TUBE1: variants seen among roughly 807,000 people sequenced by gnomAD.
TUBE1 encodes tubulin epsilon 1.
A neutral mutation model predicts 53.5 loss-of-function variants in TUBE1; 34 were observed. The ratio of observed to expected loss-of-function variants is 0.64; its 90% CI spans 0.48 to 0.85. The LOEUF is 0.85. Ranked by LOEUF, TUBE1 falls within the 40% of genes least tolerant of loss-of-function variation. TUBE1 has a pLI of 0.00. For missense variants in TUBE1, 532 were observed against 570.5 expected, an observed-to-expected ratio of 0.93 and a Z score of 0.69; for synonymous variants, 177 against 198.4, an observed-to-expected ratio of 0.89 and a Z score of 0.91.
Position 112,073,364 on chromosome 6 carries a change from A to T in TUBE1, c.954-466T>A, listed in dbSNP as rs76852128. Among the ~76,000 whole-genome samples, 459 of 152,340 alleles carry T rather than the reference A, an allele frequency of 3.0e-3. 1 individual carries two copies. Among genetic ancestry groups the T allele is most frequent in the Non-Finnish European group, 3.5e-3 (237 of 68,028 alleles). ...GTTAACAGGAGGAAATTATCAAAGG[A>T]CAATGTGAAGCTCTCCTATAAAAGA... On this transcript the variant is annotated intron_variant, in intron 9 of 11. Coordinates refer to ENST00000368662, the MANE Select transcript of TUBE1 (RefSeq NM_016262.5).
chr6:112,077,801 AT>A (rs1776996933), intron 6 of TUBE1: 1 of 151,998 alleles, frequency 6.6e-6, no homozygotes, highest in Admixed American at 6.5e-5. Context: ...AAACTTCTAT[AT>A]ATACTTAAAA....
intron 3 of TUBE1, chr6:112,085,801 G>A (rs1490103534): frequency 1.3e-5 from 6 of 455,116 alleles, no homozygotes; most frequent in South Asian, 9.6e-5. Context: ...TGGTTAACCT[G>A]GCTGTACTGG....
At position 112,071,086 on chromosome 6, in the gene TUBE1, C is replaced by T. The variant is rs1410823686; in HGVS notation, c.*326G>A. The T allele has an allele frequency of 6.4e-6, 1 of 156,604 alleles. No individual in the cohort carries two copies. Among genetic ancestry groups the T allele is most frequent in the Non-Finnish European group, 1.4e-5 (1 of 71,354 alleles). The allele number at this position is 156,604 out of a possible 1,614,324, so 9.7% of individuals were successfully genotyped here. On this transcript the variant is annotated 3_prime_UTR_variant, in exon 12 of 12. Transcript: ENST00000368662. ...AAATAATTATAAAAATATATCTGTA[C>T]AAGATTTTTATTGAAGACACATCAG...
intron 4 of TUBE1, among the ~76,000 whole-genome samples, 164 bp from the exon 5 acceptor site, chr6:112,081,371 ACT>A (rs113935832): frequency 2.0e-3 from 299 of 151,970 alleles, no homozygotes; most frequent in African/African-American, 6.7e-3. Flanking sequence ...AAAGAATTTC[ACT>A]CTGTTTGAAA....
At chr6:112,082,523 G>A (rs1777086647) in intron 4 of TUBE1, among the ~76,000 whole-genome samples, 1 of 152,184 alleles carries the variant, frequency 6.6e-6, no homozygotes, top group South Asian at 2.1e-4. Flanking sequence ...GAGGCAATAT[G>A]CAAATACAAA....
Position 112,071,913 on chromosome 6 carries a change from A to G in TUBE1, c.1258T>C (p.Tyr420His), listed in dbSNP as rs1554315391. The G allele has an allele frequency of 1.9e-6, 3 of 1,599,492 alleles. No individual in the cohort carries two copies. The highest frequency in any genetic ancestry group is 1.8e-5 in the Admixed American group (1 of 56,264). ...MELKERFMRL[Y>H]KKKAHLHHYL... Reference sequence around the variant, plus strand: ...TGTACAATAATTACCTTTTTCTTGTAGAGCCTCATGAATCTCTCTTTCAGT... The same window carrying G: ...TGTACAATAATTACCTTTTTCTTGTGGAGCCTCATGAATCTCTCTTTCAGT... The change falls in exon 11 of 12, where the codon TAC becomes CAC. Residue 420 changes from tyrosine to histidine, a missense_variant. Transcript: ENST00000368662.
intron 6 of TUBE1, chr6:112,078,271 A>C (rs1777006431): frequency 6.6e-6 from 1 of 152,066 alleles, no homozygotes; most frequent in African/African-American, 2.4e-5. Flanking sequence ...GCACAAATAC[A>C]GAAGTATTTG....
Position 112,076,494 on chromosome 6 carries a change from A to G in TUBE1, c.464T>C (p.Leu155Pro), listed in dbSNP as rs1776973165. 1 of 1,604,812 alleles carries G rather than the reference A, an allele frequency of 6.2e-7. No homozygotes were observed. The highest frequency in any genetic ancestry group is 1.3e-5 in the African/African-American group (1 of 74,520). The part of the protein sequence containing the change: ...HSMGGGTGSG[L>P]GTFLLKVLED... ...AAGCACCTTTAAAAGAAATGTGCCA[A>G]GTCCAGATCCTGTTCCTGAGGATTA... Residue 155 changes from leucine to proline, a missense_variant, in exon 7 of 12, where the codon CTT becomes CCT. Leu to Pro is a moderately conservative substitution (Grantham distance 98). Coordinates refer to ENST00000368662, the MANE Select transcript of TUBE1 (RefSeq NM_016262.5).
intron 5 of TUBE1, among the ~76,000 whole-genome samples, chr6:112,080,299 C>T (rs1554316598): frequency 6.6e-6 from 1 of 151,920 alleles, no homozygotes; most frequent in Non-Finnish European, 1.5e-5. Context: ...TTAAGTTGTC[C>T]AAATTTGCAA....
At chr6:112,086,477 T>G in intron 3 of TUBE1, 79 bp downstream of exon 3, 1 of 1,071,576 alleles carries the variant, frequency 9.3e-7, no homozygotes, top group Non-Finnish European at 1.4e-6. Context: ...TGGCTATTTT[T>G]ATTGTCCTTT....
intron 10 of TUBE1, among the ~76,000 whole-genome samples, chr6:112,072,348 G>A (rs587597879): frequency 6.6e-6 from 1 of 151,990 alleles, no homozygotes; most frequent in Admixed American, 6.6e-5. Context: ...AGAAATCTAG[G>A]GATATAAAGA....
Position 112,071,105 on chromosome 6 carries a change from A to G in TUBE1, c.*307T>C, listed in dbSNP as rs1220201452. 1.2e-5 allele frequency: 2 copies of G among 172,008 alleles called. No homozygotes were observed. Among genetic ancestry groups the G allele is most frequent in the African/African-American group, 4.7e-5 (2 of 42,350 alleles). 10.7% of individuals were successfully genotyped at this position (172,008 alleles called of 1,614,324 possible). On this transcript the variant is annotated 3_prime_UTR_variant, in exon 12 of 12. Coordinates refer to ENST00000368662, the MANE Select transcript of TUBE1 (RefSeq NM_016262.5). ...TCTGTACAAGATTTTTATTGAAGAC[A>G]CATCAGTGCATAAATGCCTAAATAT...
intron 5 of TUBE1, 47 bp from the exon 6 acceptor site, chr6:112,079,801 T>G: frequency 6.4e-7 from 1 of 1,560,492 alleles, no homozygotes. Flanking sequence ...ATTTATTTTT[T>G]TATTTGATTA....
chr6:112,075,662 T>C, intron 8 of TUBE1: 1 of 255,470 alleles, frequency 3.9e-6, no homozygotes, highest in Non-Finnish European at 7.3e-6. Flanking sequence ...CTAAAAAATG[T>C]TTAATTTTGT....
In TUBE1 at chr6:112,072,908, T is replaced by A. The variant is rs1554315584; in HGVS notation, c.954-10A>T. On this transcript the variant is annotated splice_polypyrimidine_tract_variant and intron_variant, in intron 9 of 11. Coordinates refer to ENST00000368662, the MANE Select transcript of TUBE1 (RefSeq NM_016262.5). ...AAACATCTGATCCAATCTGCAACAA[T>A]GAAATTGTCATTGTTTATACAAAAT... 4 of 1,611,706 alleles carry A rather than the reference T, an allele frequency of 2.5e-6. No homozygotes were observed. Among genetic ancestry groups the A allele is most frequent in the Non-Finnish European group, 3.4e-6 (4 of 1,178,892 alleles).
intron 9 of TUBE1, among the ~76,000 whole-genome samples, chr6:112,073,798 G>T (rs1776908298): frequency 6.6e-6 from 1 of 152,086 alleles, no homozygotes; most frequent in African/African-American, 2.4e-5. Context: ...TAGAGACAGG[G>T]TCTGTCTTCC....
chr6:112,087,282 C>T lies in TUBE1; in HGVS notation c.50G>A (p.Gly17Asp). The T allele has an allele frequency of 6.4e-7, 1 of 1,552,420 alleles. No individual in the cohort carries two copies. Among genetic ancestry groups the T allele is most frequent in the African/African-American group, 1.4e-5 (1 of 73,194 alleles). ...VQVGQCGNQIGCCFWDLALRE... is the reference protein window; with the variant it reads ...VQVGQCGNQIDCCFWDLALRE... The stretch of plus-strand genomic sequence containing the variant: ...TAGTGCCAGGTCCCAGAAGCAGCAG[C>T]CGATCTGGTTTCCGCACTGGCCGAC... The change falls in exon 2 of 12, where the codon GGC becomes GAC. Residue 17 changes from glycine to aspartate, a missense_variant. Physicochemically the swap from Gly to Asp is moderately conservative, Grantham distance 94 (BLOSUM62 -1). Coordinates refer to ENST00000368662, the MANE Select transcript of TUBE1 (RefSeq NM_016262.5).
rs371010920 is a variant in TUBE1, at chr6:112,070,726, C to A, written c.*686G>T. 3 of 151,714 alleles carry A rather than the reference C, an allele frequency of 2.0e-5. No individual in the cohort carries two copies. The highest frequency in any genetic ancestry group is 4.4e-5 in the Non-Finnish European group (3 of 67,998). 9.4% of individuals were successfully genotyped at this position (151,714 alleles called of 1,614,324 possible). ...GTTTGGAAGATATCAAGCTTAGTAACATTCTGTTCATTTGCATAAATGTCA... is the reference window on the plus strand; with the variant it reads ...GTTTGGAAGATATCAAGCTTAGTAAAATTCTGTTCATTTGCATAAATGTCA... On this transcript the variant is annotated 3_prime_UTR_variant, in exon 12 of 12. Coordinates refer to ENST00000368662, the MANE Select transcript of TUBE1 (RefSeq NM_016262.5).
intron 4 of TUBE1, among the ~76,000 whole-genome samples, chr6:112,083,753 G>A (rs1179725988): frequency 6.6e-6 from 1 of 152,178 alleles, no homozygotes; most frequent in Non-Finnish European, 1.5e-5. Context: ...CTGTAAATAT[G>A]GGCTAAGAAC....
Sources: allele counts gnomAD v4.1 joint callset (sites outside exome capture counted in the v4.1 genomes callset), GRCh38; gene constraint gnomAD v4.1.1; transcripts MANE v1.5; gene names NCBI Gene and HGNC (gene_info 2026-07-23, HGNC 2026-07-21).